Variants in PADI6 observed in about 807,000 individuals in gnomAD.
PADI6 encodes the protein peptidyl arginine deiminase 6.
PADI6 carries 66 observed loss-of-function variants against 78.2 expected under a neutral mutation model. The observed-to-expected ratio is 0.84, with a 90% CI of 0.69 to 1.04. The LOEUF (loss-of-function observed/expected upper bound fraction) is 1.04. Ranked by LOEUF, PADI6 falls within the 50% of genes least tolerant of loss-of-function variation. The pLI is 0.00. For missense variants in PADI6, 854 were observed against 866.1 expected (o/e 0.99, Z 0.18); for synonymous variants, 397 against 346.9 (o/e 1.14, Z -1.60).
At position 17,395,113 on chromosome 1, in the gene PADI6, C is replaced by CT; in HGVS notation, c.1494+9dup. 1.2e-6 allele frequency: 2 copies of CT among 1,612,532 alleles called. No individual in the cohort carries two copies. The highest frequency in any genetic ancestry group is 2.2e-5 in the South Asian group (2 of 90,998). ...ACAAGAATGAGGGCAAAAAGGTCTG[C>CT]TTTGGGGTCTGGAGAAGGGACATCT... is the stretch of plus-strand genomic sequence containing the variant. On this transcript the variant is annotated splice_region_variant and intron_variant, in intron 12 of 15. Coordinates refer to ENST00000619609, the MANE Select transcript of PADI6 (RefSeq NM_207421.4).
intron 4 of PADI6, among the ~76,000 whole-genome samples, chr1:17,380,620 C>CT: frequency 6.6e-6 from 1 of 152,274 alleles, no homozygotes; most frequent in African/African-American, 2.4e-5. Context: ...GTCCACCTGC[C>CT]TCGGCCTCCC....
At chr1:17,393,870 G>A in intron 9 of PADI6, 105 bp from the exon 10 acceptor site, 3 of 941,046 alleles carry the variant, frequency 3.2e-6, no homozygotes, top group Non-Finnish European at 5.1e-6. Context: ...TGAGGGTTGA[G>A]CAGGAGTTGG....
intron 15 of PADI6, among the ~76,000 whole-genome samples, chr1:17,400,037 AAAC>A (rs1470011793): frequency 2.8e-5 from 4 of 143,624 alleles, no homozygotes; most frequent in African/African-American, 8.7e-5. Flanking sequence ...TCTCCCAAAA[AAAC>A]AAACAAAACA....
intron 6 of PADI6, among the ~76,000 whole-genome samples, chr1:17,382,756 G>A (rs1422188539): frequency 2.0e-5 from 3 of 152,170 alleles, no homozygotes; most frequent in African/African-American, 4.8e-5. Context: ...GCTTCTGGAC[G>A]GACATGCCAG....
At position 17,398,839 on chromosome 1, in the gene PADI6, C is replaced by T; in HGVS notation, c.1843C>T (p.Pro615Ser). The T allele has an allele frequency of 3.7e-6, 6 of 1,613,326 alleles. No homozygotes were observed. The highest frequency in any genetic ancestry group is 5.1e-6 in the Non-Finnish European group (6 of 1,179,698). ...GAGGTCCTTTGCGAGGCCATACTTC[C>T]CTGACCTGGTGAGGGGCGACTGCGC... ...PKRSFARPYF[P>S]DLLRMIVMGK... The change falls in exon 15 of 16, where the codon CCT (proline) becomes TCT (serine). Residue 615 changes from proline to serine, a missense_variant. Physicochemically the swap from Pro to Ser is moderately conservative, Grantham distance 74. Coordinates refer to ENST00000619609, the MANE Select transcript of PADI6 (RefSeq NM_207421.4).
At chr1:17,397,547 T>C (rs771315111) in intron 14 of PADI6, among the ~76,000 whole-genome samples, 1 of 152,144 alleles carries the variant, frequency 6.6e-6, no homozygotes, top group Non-Finnish European at 1.5e-5. Flanking sequence ...TACTTTGCTA[T>C]GACTATGCAG....
chr1:17,387,928 T>A (rs2075137248), intron 6 of PADI6, among the ~76,000 whole-genome samples: 1 of 152,204 alleles, frequency 6.6e-6, no homozygotes, highest in African/African-American at 2.4e-5. Flanking sequence ...GCATAATCCA[T>A]CCAATAAATG....
At chr1:17,390,939 C>A (rs961869386) in intron 8 of PADI6, among the ~76,000 whole-genome samples, 3 of 152,176 alleles carry the variant, frequency 2.0e-5, no homozygotes, top group African/African-American at 7.2e-5. Flanking sequence ...AAGACTGAGC[C>A]GACACACCCT....
At position 17,385,598 on chromosome 1, in the gene PADI6, C is replaced by T. The variant is rs1006676733; in HGVS notation, c.680-2783C>T. ...TGGATGTCTAAGGTGGTATAGAACC[C>T]AGGTTCATTGAAATAAGGTCGTCGA... On this transcript the variant is annotated intron_variant, in intron 6 of 15. Coordinates refer to ENST00000619609, the MANE Select transcript of PADI6 (RefSeq NM_207421.4). 3.9e-5 allele frequency among the ~76,000 whole-genome samples: 6 copies of T among 152,060 alleles called. No homozygotes were observed. The South Asian group carries it at 6.2e-4, about 16-fold the overall frequency.
At chr1:17,375,706 C>G (rs1469553866) in intron 3 of PADI6, among the ~76,000 whole-genome samples, 1 of 152,220 alleles carries the variant, frequency 6.6e-6, no homozygotes, top group Non-Finnish European at 1.5e-5. Context: ...ACTTCTCCAT[C>G]TTCGTGCACT....
At chr1:17,396,997 G>A in intron 13 of PADI6, 74 bp from the exon 14 acceptor site, 5 of 1,476,132 alleles carry the variant, frequency 3.4e-6, no homozygotes, top group Non-Finnish European at 3.8e-6. Context: ...GCTGGGCCTG[G>A]CCCGAGTGTG....
chr1:17,375,577 C>A (rs952238783), intron 3 of PADI6, 78 bp downstream of exon 3: 2 of 1,312,618 alleles, frequency 1.5e-6, no homozygotes, highest in African/African-American at 1.5e-5. Context: ...GTAGGAGGAG[C>A]CAAAAAAGAT....
intron 6 of PADI6, among the ~76,000 whole-genome samples, chr1:17,387,393 C>A (rs372051201): frequency 6.6e-6 from 1 of 150,696 alleles, no homozygotes; most frequent in Non-Finnish European, 1.5e-5. Flanking sequence ...TGAAGTGAGC[C>A]GAGATAGTGC....
intron 13 of PADI6, among the ~76,000 whole-genome samples, chr1:17,396,400 G>A (rs991304154): frequency 6.6e-6 from 1 of 152,074 alleles, no homozygotes; most frequent in Non-Finnish European, 1.5e-5. Context: ...AATAATAAAG[G>A]CTGTAGGAAC....
chr1:17,394,260 C>G lies in PADI6; in HGVS notation c.1183-40C>G. The G allele has an allele frequency of 1.9e-6, 3 of 1,604,700 alleles. No individual in the cohort carries two copies. In the South Asian group the frequency reaches 3.3e-5, roughly 18 times the overall value. On this transcript the variant is annotated intron_variant, in intron 10 of 15. Transcript: ENST00000619609. ...GATAAGACTGGGGCCTAAAGCCATCCCCTACTAACACCCCTTCCCTGGCTC... is the reference window on the plus strand; with the variant it reads ...GATAAGACTGGGGCCTAAAGCCATCGCCTACTAACACCCCTTCCCTGGCTC...
chr1:17,374,338 G>A (rs1174101400), intron 2 of PADI6, among the ~76,000 whole-genome samples: 4 of 151,976 alleles, frequency 2.6e-5, no homozygotes, highest in Non-Finnish European at 4.4e-5. Flanking sequence ...GGAACTGAGT[G>A]TCTCTGGCCA....
intron 5 of PADI6, among the ~76,000 whole-genome samples, chr1:17,381,368 A>G (rs1162013958): frequency 2.0e-5 from 3 of 152,166 alleles, no homozygotes; most frequent in Admixed American, 6.6e-5. Flanking sequence ...TGCAAAGAGC[A>G]TGGGTGGTTA....
intron 9 of PADI6, among the ~76,000 whole-genome samples, chr1:17,392,495 T>TC (rs536529522): frequency 1.6e-3 from 245 of 152,262 alleles, no homozygotes; most frequent in African/African-American, 5.6e-3. Context: ...CCCGGAAGGC[T>TC]CTGATACCTT....
chr1:17,375,176 C>T (rs1030354109), intron 2 of PADI6, among the ~76,000 whole-genome samples: 2 of 152,146 alleles, frequency 1.3e-5, no homozygotes, highest in South Asian at 2.1e-4. Flanking sequence ...ACAGCTCTCA[C>T]GTGGACAGGT....
Sources: gnomAD v4.1 joint callset for allele counts (sites outside exome capture counted in the v4.1 genomes callset) on GRCh38, gnomAD v4.1.1 for gene constraint, MANE v1.5 for transcripts, NCBI Gene and HGNC (gene_info 2026-07-23, HGNC 2026-07-21) for gene names.